Variants in CNTN6 observed in about 807,000 individuals in gnomAD.
The protein encoded by CNTN6 is contactin-6.
CNTN6 carries 137 observed loss-of-function variants against 122.8 expected under a neutral mutation model. The ratio of observed to expected loss-of-function variants is 1.12; its 90% CI spans 0.97 to 1.29. The LOEUF (loss-of-function observed/expected upper bound fraction) is 1.29. Ranked by LOEUF, CNTN6 falls within the 50% of genes most tolerant of loss-of-function variation. CNTN6 has a pLI of 0.00. For synonymous variants in CNTN6, 570 were observed against 426.0 expected (o/e 1.34, Z -4.16); for missense variants, 1,634 against 1,223.4 (o/e 1.34, Z -5.01).
chr3:1,340,169 A>C (rs537650219), intron 11 of CNTN6, among the ~76,000 whole-genome samples: 36 of 152,180 alleles, frequency 2.4e-4, no homozygotes, highest in Non-Finnish European at 3.7e-4. Flanking sequence ...CTCTGACTCA[A>C]AGCCTTGTAT....
chr3:1,367,649 C>T (rs925325110), intron 12 of CNTN6, among the ~76,000 whole-genome samples: 7 of 152,108 alleles, frequency 4.6e-5, no homozygotes, highest in African/African-American at 1.7e-4. Flanking sequence ...CTCCTGCACA[C>T]ACAAGTTCAG....
intron 4 of CNTN6, among the ~76,000 whole-genome samples, chr3:1,232,907 G>A (rs1296961277): frequency 2.6e-5 from 4 of 152,124 alleles, no homozygotes; most frequent in East Asian, 1.9e-4. Context: ...AGTACAGGTC[G>A]GAAGAACAGT....
intron 7 of CNTN6, among the ~76,000 whole-genome samples, chr3:1,307,101 CG>C (rs537089008): frequency 7.8e-4 from 119 of 152,074 alleles, no homozygotes; most frequent in Non-Finnish European, 1.5e-3. Flanking sequence ...ATAAAGGCCC[CG>C]GGGAGGTTGC....
At chr3:1,360,846 C>T (rs1401356907) in intron 12 of CNTN6, among the ~76,000 whole-genome samples, 2 of 152,106 alleles carry the variant, frequency 1.3e-5, no homozygotes, top group Non-Finnish European at 2.9e-5. Context: ...CTTGTTTCTA[C>T]TGTCTTCTTT....
intron 1 of CNTN6, among the ~76,000 whole-genome samples, chr3:1,137,574 C>T (rs975844922): frequency 1.3e-4 from 20 of 152,044 alleles, no homozygotes; most frequent in African/African-American, 3.6e-4. Flanking sequence ...TTATAATATA[C>T]TAGAAAAGGT....
intron 12 of CNTN6, among the ~76,000 whole-genome samples, chr3:1,362,728 A>G (rs1387493482): frequency 6.6e-6 from 1 of 151,886 alleles, no homozygotes; most frequent in African/African-American, 2.4e-5. Context: ...CAGAAAGAAA[A>G]TTAGGCATGA....
intron 12 of CNTN6, among the ~76,000 whole-genome samples, chr3:1,365,754 C>T (rs1048315090): frequency 2.6e-5 from 4 of 152,026 alleles, no homozygotes; most frequent in African/African-American, 7.2e-5. Context: ...TAGGAATTCT[C>T]AGAGCTTTTA....
At chr3:1,297,758 G>A (rs1696521056) in intron 6 of CNTN6, 131 bp from the exon 7 acceptor site, 2 of 660,746 alleles carry the variant, frequency 3.0e-6, no homozygotes, top group African/African-American at 1.9e-5. Flanking sequence ...GAATCTATAT[G>A]TATCCAATTC....
At chr3:1,304,626 A>G (rs9811175) in intron 7 of CNTN6, among the ~76,000 whole-genome samples, 10,430 of 152,226 alleles carry the variant, frequency 0.069, 1,226 homozygotes, top group African/African-American at 0.24. Context: ...ATGGAATTAT[A>G]GATATATTTC....
intron 1 of CNTN6, among the ~76,000 whole-genome samples, chr3:1,108,625 T>C (rs1306110995): frequency 6.6e-6 from 1 of 152,082 alleles, no homozygotes; most frequent in Admixed American, 6.6e-5. Flanking sequence ...AGTTTCTACA[T>C]GTTTGGTGTA....
intron 2 of CNTN6, among the ~76,000 whole-genome samples, chr3:1,157,207 TATTTATTTATTTA>T (rs1351166880): frequency 1.4e-5 from 2 of 141,620 alleles, no homozygotes; most frequent in African/African-American, 2.8e-5. Flanking sequence ...TTTATTTATT[TATTTATTTATTTA>T]ATTTATTTAT....
intron 1 of CNTN6, among the ~76,000 whole-genome samples, chr3:1,099,059 A>T (rs918635439): frequency 6.6e-6 from 1 of 151,738 alleles, no homozygotes; most frequent in East Asian, 1.9e-4. Flanking sequence ...CCTATATAAA[A>T]TATTATTTTA....
chr3:1,159,404 T>A (rs909163232), intron 2 of CNTN6, among the ~76,000 whole-genome samples: 1 of 152,090 alleles, frequency 6.6e-6, no homozygotes, highest in Non-Finnish European at 1.5e-5. Flanking sequence ...GTGGGATGAC[T>A]GGAGATTTCA....
At chr3:1,133,962 C>T (rs1262198530) in intron 1 of CNTN6, among the ~76,000 whole-genome samples, 2 of 151,984 alleles carry the variant, frequency 1.3e-5, no homozygotes, top group Non-Finnish European at 2.9e-5. Context: ...TCAAAAGTAC[C>T]TTCACAATCA....
intron 16 of CNTN6, among the ~76,000 whole-genome samples, chr3:1,374,362 T>A (rs537446186): frequency 6.6e-6 from 1 of 152,232 alleles, no homozygotes; most frequent in East Asian, 1.9e-4. Context: ...CATTAGAGAA[T>A]CTGTAGATTT....
chr3:1,137,075 T>C (rs565830640), intron 1 of CNTN6, among the ~76,000 whole-genome samples: 2 of 152,196 alleles, frequency 1.3e-5, no homozygotes, highest in Non-Finnish European at 2.9e-5. Context: ...CTCTTCCTCC[T>C]CCTATTTTTC....
chr3:1,267,484 T>G (rs2094944554), intron 4 of CNTN6, among the ~76,000 whole-genome samples: 1 of 152,154 alleles, frequency 6.6e-6, no homozygotes, highest in Non-Finnish European at 1.5e-5. Context: ...TCTCAGTAAT[T>G]AAGAGGTCCC....
intron 15 of CNTN6, 64 bp downstream of exon 15, chr3:1,373,826 A>G (rs1193496522): frequency 6.8e-7 from 1 of 1,477,356 alleles, no homozygotes; most frequent in South Asian, 1.4e-5. Flanking sequence ...ATTTTAATAA[A>G]TGCAATTACA....
At chr3:1,314,876 G>C (rs1309178203) in intron 7 of CNTN6, among the ~76,000 whole-genome samples, 1 of 151,926 alleles carries the variant, frequency 6.6e-6, no homozygotes, top group African/African-American at 2.4e-5. Flanking sequence ...ATAAGAAAAG[G>C]CTTTTGCAAT....
Sources: gnomAD v4.1 joint callset for allele counts (sites outside exome capture counted in the v4.1 genomes callset) on GRCh38, gnomAD v4.1.1 for gene constraint, MANE v1.5 for transcripts, NCBI Gene and HGNC (gene_info 2026-07-23, HGNC 2026-07-21) for gene names.